Variants in LY9 observed in about 807,000 individuals in gnomAD.
LY9 encodes lymphocyte antigen 9, also known as T-lymphocyte surface antigen Ly-9.
A neutral mutation model predicts 64.6 loss-of-function variants in LY9; 59 were observed. The ratio of observed to expected loss-of-function variants is 0.91; its 90% CI spans 0.74 to 1.13. LY9 has a LOEUF of 1.13. Ranked by LOEUF, LY9 falls within the 50% of genes most tolerant of loss-of-function variation. The pLI, the probability that LY9 is intolerant of heterozygous loss-of-function variation, is 0.00. For missense variants in LY9, 789 were observed against 797.2 expected, an observed-to-expected ratio of 0.99 and a Z score of 0.12; for synonymous variants, 281 against 308.5, an observed-to-expected ratio of 0.91 and a Z score of 0.93.
intron 2 of LY9, chr1:160,810,896 G>A (rs542957818): frequency 6.6e-6 from 1 of 152,348 alleles, no homozygotes; most frequent in Admixed American, 6.5e-5. Context: ...GTATGGAATA[G>A]ACATTGCCAT....
At chr1:160,822,782 T>G in intron 7 of LY9, among the ~76,000 whole-genome samples, 1 of 152,162 alleles carries the variant, frequency 6.6e-6, no homozygotes, top group Admixed American at 6.5e-5. Context: ...GCATCCACCA[T>G]GCCACTGTTC....
chr1:160,809,333 TTTATTA>T (rs138398905), intron 2 of LY9, among the ~76,000 whole-genome samples: 49 of 140,264 alleles, frequency 3.5e-4, no homozygotes, highest in East Asian at 3.2e-3. Context: ...AAATCCTGAA[TTTATTA>T]TTATTATTAT....
At chr1:160,800,126 T>A (rs767221889) in intron 2 of LY9, 44 bp downstream of exon 2, 94 of 1,496,084 alleles carry the variant, frequency 6.3e-5, no homozygotes, top group Non-Finnish European at 1.7e-5. Context: ...TTCTTTTTTT[T>A]ATTTGTGCAA....
chr1:160,814,187 C>A (rs1041166708), intron 3 of LY9, among the ~76,000 whole-genome samples: 16 of 152,088 alleles, frequency 1.1e-4, no homozygotes, highest in Non-Finnish European at 1.8e-4. Context: ...GAGGTGTTTC[C>A]GGGTACCCTC....
rs1667262665 is a variant in LY9, at chr1:160,809,267, G to A, written c.455-4369G>A. Among the ~76,000 whole-genome samples the A allele has an allele frequency of 2.0e-5, 3 of 150,412 alleles. No homozygotes were observed. The South Asian group carries it at 6.3e-4, about 32-fold the overall frequency. On this transcript the variant is annotated intron_variant, in intron 2 of 9. Coordinates refer to ENST00000263285, the MANE Select transcript of LY9 (RefSeq NM_002348.4). ...ATTCCTGGGCTCAAGTGATCCTCCT[G>A]CCTCTATCTTCCAAGTAGCTGGGAC...
At chr1:160,801,577 T>C (rs1027235599) in intron 2 of LY9, among the ~76,000 whole-genome samples, 3 of 152,180 alleles carry the variant, frequency 2.0e-5, no homozygotes, top group South Asian at 2.1e-4. Flanking sequence ...TTGTCTATTT[T>C]TGTTTTTGTT....
chr1:160,823,584 A>T lies in LY9; in HGVS notation c.1618A>T (p.Asn540Tyr), dbSNP rs1221139885. The change falls in exon 8 of 10, where the codon AAC becomes TAC. Residue 540 changes from asparagine to tyrosine, a missense_variant. Asn to Tyr is a moderately radical substitution (Grantham distance 143, BLOSUM62 -2). Coordinates refer to ENST00000263285, the MANE Select transcript of LY9 (RefSeq NM_002348.4). ...TPTSDSSSDS[N>Y]LTTEEDEDRP... is the part of the protein sequence containing the mutation. ...CACCTCAGACAGCAGCTCTGACAGCAACCTCACAACTGAGGAGGATGAGGA... is the reference window on the plus strand; with the variant it reads ...CACCTCAGACAGCAGCTCTGACAGCTACCTCACAACTGAGGAGGATGAGGA... 1 of 1,614,174 alleles carries T rather than the reference A, an allele frequency of 6.2e-7. No individual in the cohort carries two copies. Among genetic ancestry groups the T allele is most frequent in the Non-Finnish European group, 8.5e-7 (1 of 1,179,980 alleles).
chr1:160,813,691 C>G lies in LY9; in HGVS notation c.510C>G (p.Phe170Leu). The change falls in exon 3 of 10, where the codon TTC (phenylalanine) becomes TTG (leucine). Residue 170 changes from phenylalanine (F) to leucine (L), a missense_variant. Phe to Leu is a conservative substitution (Grantham distance 22). Transcript: ENST00000263285. ...TMKSVKVSEN[F>L]SCNITLMCSV... is the part of the protein sequence containing the mutation. ...AGTCTGTGAAGGTGTCTGAGAACTT[C>G]TCCTGTAACATCACTCTAATGTGCT... 1 of 1,608,800 alleles carries G rather than the reference C, an allele frequency of 6.2e-7. No homozygotes were observed. Among genetic ancestry groups the G allele is most frequent in the Non-Finnish European group, 8.5e-7 (1 of 1,179,682 alleles).
At chr1:160,816,929 CTGAT>C in intron 5 of LY9, 66 bp downstream of exon 5, 3 of 1,537,186 alleles carry the variant, frequency 2.0e-6, no homozygotes, top group East Asian at 2.3e-5. Flanking sequence ...TGCATCCTGA[CTGAT>C]TCTTTATGAA....
chr1:160,821,845 C>T (rs1668475134), intron 7 of LY9, among the ~76,000 whole-genome samples: 1 of 152,122 alleles, frequency 6.6e-6, no homozygotes, highest in Non-Finnish European at 1.5e-5. Context: ...GATTGAGCAG[C>T]GGTTAAGAGC....
At chr1:160,808,621 A>G (rs1208477633) in intron 2 of LY9, among the ~76,000 whole-genome samples, 1 of 152,194 alleles carries the variant, frequency 6.6e-6, no homozygotes, top group African/African-American at 2.4e-5. Context: ...CCCAGCTCCC[A>G]GCAGATCTCA....
intron 5 of LY9, among the ~76,000 whole-genome samples, chr1:160,817,405 G>A (rs192046766): frequency 6.6e-6 from 1 of 152,178 alleles, no homozygotes; most frequent in African/African-American, 2.4e-5. Flanking sequence ...TGGTGTCTCA[G>A]TAATACTAGC....
At chr1:160,824,804 T>C (rs1386515021) in intron 9 of LY9, 15 of 214,946 alleles carry the variant, frequency 7.0e-5, no homozygotes, top group Non-Finnish European at 9.6e-5. Flanking sequence ...ATGGTGAAAC[T>C]CCGTCTCTAC....
At chr1:160,827,626 C>A in intron 9 of LY9, 122 bp from the exon 10 acceptor site, 2 of 687,762 alleles carry the variant, frequency 2.9e-6, no homozygotes, top group Non-Finnish European at 4.8e-6. Flanking sequence ...CCTGGGCCAG[C>A]ACATATGACT....
Position 160,821,185 on chromosome 1 carries a change from G to A in LY9, c.1498+1811G>A, listed in dbSNP as rs185368123. Reference sequence around the variant, plus strand: ...AAAAAAAAAACCATATATTCACATGGCATACAGTTAAAAGTAGTTCTCTTT... The same window carrying A: ...AAAAAAAAAACCATATATTCACATGACATACAGTTAAAAGTAGTTCTCTTT... On this transcript the variant is annotated intron_variant, in intron 7 of 9. Transcript: ENST00000263285. 2.0e-4 allele frequency among the ~76,000 whole-genome samples: 27 copies of A among 132,368 alleles called. No homozygotes were observed. The East Asian group carries it at 6.5e-3, about 32-fold the overall frequency. 86.8% of individuals were successfully genotyped at this position (132,368 alleles called of 152,430 possible).
At chr1:160,817,661 G>A (rs1179191539) in intron 5 of LY9, among the ~76,000 whole-genome samples, 5 of 152,108 alleles carry the variant, frequency 3.3e-5, no homozygotes, top group Admixed American at 6.5e-5. Context: ...AGATATTCTC[G>A]TTTTTCCCCT....
chr1:160,817,905 G>A (rs181984842), intron 5 of LY9, among the ~76,000 whole-genome samples: 313 of 152,218 alleles, frequency 2.1e-3, no homozygotes, highest in Middle Eastern at 3.4e-3. Context: ...TTTACAGCGG[G>A]GCAGTGTAAT....
chr1:160,800,145 G>A lies in LY9; in HGVS notation c.454+63G>A, dbSNP rs898478433. 34 of 1,346,808 alleles carry A rather than the reference G, an allele frequency of 2.5e-5. No individual in the cohort carries two copies. The African/African-American group carries it at 3.2e-4, about 13-fold the overall frequency. The allele number at this position is 1,346,808 out of a possible 1,614,324, so 83.4% of individuals were successfully genotyped here. A position where few individuals can be genotyped will look rare whatever the true frequency, so the allele number is the denominator to read the frequency against. On this transcript the variant is annotated intron_variant, in intron 2 of 9. Transcript: ENST00000263285. ...TTTTTTTATTTGTGCAAATTTATGG[G>A]GTATGTGTGAAATTTTGTTATATGT... is the stretch of plus-strand genomic sequence containing the variant.
chr1:160,817,440 C>T (rs1373381496), intron 5 of LY9, among the ~76,000 whole-genome samples: 1 of 152,178 alleles, frequency 6.6e-6, no homozygotes, highest in East Asian at 1.9e-4. Context: ...TTATGCATAG[C>T]TTGTGGCTAC....
Sources: allele counts gnomAD v4.1 joint callset (sites outside exome capture counted in the v4.1 genomes callset), GRCh38; gene constraint gnomAD v4.1.1; transcripts MANE v1.5; gene names NCBI Gene and HGNC (gene_info 2026-07-23, HGNC 2026-07-21).